PRKCE: variants seen among roughly 807,000 people sequenced by gnomAD.
PRKCE encodes the protein protein kinase C epsilon type.
PRKCE carries 16 observed loss-of-function variants against 85.4 expected under a neutral mutation model. The ratio of observed to expected loss-of-function variants is 0.19; its 90% CI spans 0.13 to 0.28. The LOEUF (loss-of-function observed/expected upper bound fraction) is 0.28, where lower values mean the gene tolerates loss of function less well. Among genes scored for constraint, PRKCE ranks in the 10% least tolerant of loss-of-function variants. The pLI, the probability that PRKCE is intolerant of heterozygous loss-of-function variation, is 1.00. For missense variants in PRKCE, 573 were observed against 975.2 expected (o/e 0.59, Z 5.49); for synonymous variants, 388 against 371.5 (o/e 1.04, Z -0.51).
intron 11 of PRKCE, among the ~76,000 whole-genome samples, chr2:46,100,165 C>G (rs527917571): frequency 6.6e-6 from 1 of 152,128 alleles, no homozygotes; most frequent in East Asian, 1.9e-4. Flanking sequence ...TCAAAATTAC[C>G]TCAGTGAGGC....
intron 1 of PRKCE, among the ~76,000 whole-genome samples, chr2:45,661,615 G>A (rs185982566): frequency 0.015 from 1,957 of 134,808 alleles, 13 homozygotes; most frequent in Non-Finnish European, 0.023. Context: ...TGCAAGCTCC[G>A]CCTCCCGGGT....
rs115826430 is a variant in PRKCE at position 46,029,396 on chromosome 2, T to C, written c.1437+18879T>C. On this transcript the variant is annotated intron_variant, in intron 10 of 14. Transcript: ENST00000306156. ...TCCACAACTTTTTTATTTCCCCATT[T>C]TATGGATAAGCACATTGAGGTTTGG... Among the ~76,000 whole-genome samples the C allele has an allele frequency of 6.7e-3, 1,016 of 152,308 alleles. 18 individuals carry two copies. Among genetic ancestry groups the C allele is most frequent in the African/African-American group, 0.024 (978 of 41,552 alleles).
intron 2 of PRKCE, among the ~76,000 whole-genome samples, chr2:45,869,513 T>A (rs763835040): frequency 6.6e-6 from 1 of 152,140 alleles, no homozygotes; most frequent in African/African-American, 2.4e-5. Flanking sequence ...CTTTCACACA[T>A]GCTACCTGTT....
At chr2:45,953,139 C>T (rs1229922915) in intron 2 of PRKCE, among the ~76,000 whole-genome samples, 1 of 152,200 alleles carries the variant, frequency 6.6e-6, no homozygotes, top group African/African-American at 2.4e-5. Context: ...CAGTTCTGAA[C>T]CCCCTTCCCC....
chr2:45,912,595 G>A (rs1052812287), intron 2 of PRKCE, among the ~76,000 whole-genome samples: 1 of 152,152 alleles, frequency 6.6e-6, no homozygotes, highest in African/African-American at 2.4e-5. Flanking sequence ...AATAATTCAG[G>A]AGGCTGGAAG....
At chr2:45,828,160 A>T (rs780777955) in intron 1 of PRKCE, among the ~76,000 whole-genome samples, 1 of 152,256 alleles carries the variant, frequency 6.6e-6, no homozygotes, top group Non-Finnish European at 1.5e-5. Context: ...TGTCTGGAAT[A>T]TAAAAAATGT....
chr2:45,978,542 T>C (rs1034916898), intron 3 of PRKCE: 40 of 165,774 alleles, frequency 2.4e-4, no homozygotes, highest in Non-Finnish European at 5.2e-5. Flanking sequence ...CCCAGGGAAA[T>C]ATACCTGCCA....
intron 2 of PRKCE, among the ~76,000 whole-genome samples, chr2:45,861,873 A>G (rs560545463): frequency 1.4e-3 from 216 of 152,326 alleles, no homozygotes; most frequent in Non-Finnish European, 2.1e-3. Context: ...TTATTTTTAT[A>G]TATTAATGAA....
chr2:46,055,747 C>T (rs1319043122), intron 10 of PRKCE, among the ~76,000 whole-genome samples: 1 of 152,126 alleles, frequency 6.6e-6, no homozygotes, highest in East Asian at 1.9e-4. Context: ...ACTGTAGCCT[C>T]AACCACCTGG....
At chr2:45,880,750 C>T (rs1438559235) in intron 2 of PRKCE, among the ~76,000 whole-genome samples, 3 of 152,156 alleles carry the variant, frequency 2.0e-5, no homozygotes, top group African/African-American at 7.2e-5. Flanking sequence ...ATACCAAAGA[C>T]TACTGTGGTT....
intron 2 of PRKCE, among the ~76,000 whole-genome samples, chr2:45,969,704 A>AGGG (rs1042574537): frequency 1.1e-4 from 17 of 152,224 alleles, no homozygotes; most frequent in Non-Finnish European, 2.2e-4. Context: ...GGCAAGTGAA[A>AGGG]GCTTTAAAAA....
rs180790244 is a variant in PRKCE, at chr2:45,724,046, G to A, written c.348+71598G>A. On this transcript the variant is annotated intron_variant, in intron 1 of 14. Transcript: ENST00000306156. ...TTCACTTCCTGGCTTCAGACTCTGG[G>A]CAGTGTGCTGGCATCTTGCTATATG... Among the ~76,000 whole-genome samples the A allele has an allele frequency of 1.6e-4, 25 of 152,276 alleles. No homozygotes were observed. In the East Asian group the frequency reaches 4.8e-3, roughly 29 times the overall value.
chr2:45,663,993 C>A (rs1004121640), intron 1 of PRKCE, among the ~76,000 whole-genome samples: 5 of 152,184 alleles, frequency 3.3e-5, no homozygotes. Context: ...AGCCAACCAG[C>A]CATTCAACAA....
chr2:46,170,563 A>G (rs376315073), intron 14 of PRKCE, among the ~76,000 whole-genome samples: 3 of 152,216 alleles, frequency 2.0e-5, no homozygotes, highest in East Asian at 3.8e-4. Context: ...TAGGTATTCA[A>G]TCTATATTTG....
intron 1 of PRKCE, among the ~76,000 whole-genome samples, chr2:45,795,120 T>G (rs950267976): frequency 2.5e-4 from 38 of 152,142 alleles, no homozygotes; most frequent in African/African-American, 9.2e-4. Context: ...TTCCAGAGAC[T>G]GCAGCATCCA....
chr2:45,961,105 C>G (rs1224700413), intron 2 of PRKCE, among the ~76,000 whole-genome samples: 1 of 152,200 alleles, frequency 6.6e-6, no homozygotes, highest in Non-Finnish European at 1.5e-5. Context: ...CACTTATACA[C>G]AGGCCCTGGT....
At chr2:45,933,976 T>C (rs1004443180) in intron 2 of PRKCE, among the ~76,000 whole-genome samples, 3 of 152,184 alleles carry the variant, frequency 2.0e-5, no homozygotes, top group African/African-American at 7.2e-5. Flanking sequence ...CATGTGAATT[T>C]TATCCAGTGA....
intron 14 of PRKCE, among the ~76,000 whole-genome samples, chr2:46,165,740 G>A (rs1450115358): frequency 6.6e-6 from 1 of 152,184 alleles, no homozygotes; most frequent in Non-Finnish European, 1.5e-5. Flanking sequence ...TCTCCGCTGT[G>A]TACCCATTCC....
At chr2:45,834,853 G>T (rs1272652782) in intron 1 of PRKCE, among the ~76,000 whole-genome samples, 9 of 152,134 alleles carry the variant, frequency 5.9e-5, no homozygotes, top group Admixed American at 5.2e-4. Flanking sequence ...TCATTAAAAG[G>T]CTTTCTATAA....
Sources: allele counts gnomAD v4.1 joint callset (sites outside exome capture counted in the v4.1 genomes callset), GRCh38; gene constraint gnomAD v4.1.1; transcripts MANE v1.5; gene names NCBI Gene and HGNC (gene_info 2026-07-23, HGNC 2026-07-21).